TNRC6B: variants seen among roughly 807,000 people sequenced by gnomAD.
TNRC6B encodes trinucleotide repeat containing adaptor 6B.
TNRC6B carries 52 observed loss-of-function variants against 203.6 expected under a neutral mutation model. The observed-to-expected ratio is 0.26, with a 90% confidence interval of 0.20 to 0.32. The LOEUF is 0.32. Ranked by LOEUF, TNRC6B falls within the 10% of genes least tolerant of loss-of-function variation. TNRC6B has a pLI of 1.00. For synonymous variants in TNRC6B, 838 were observed against 845.7 expected, an observed-to-expected ratio of 0.99 and a Z score of 0.16; for missense variants, 1,923 against 2,286.2, an observed-to-expected ratio of 0.84 and a Z score of 3.24.
At chr22:40,077,312 G>A (rs2068025223) in intron 1 of TNRC6B, among the ~76,000 whole-genome samples, 1 of 152,164 alleles carries the variant, frequency 6.6e-6, no homozygotes, top group African/African-American at 2.4e-5. Flanking sequence ...CACCTCTTTG[G>A]TTCCTTTCTC....
chr22:40,276,909 G>T, intron 7 of TNRC6B, 168 bp from the exon 8 acceptor site: 1 of 445,870 alleles, frequency 2.2e-6, no homozygotes, highest in East Asian at 3.5e-5. Flanking sequence ...GATATAACTA[G>T]GGCTTATTAA....
Position 40,078,943 on chromosome 22 carries a change from G to A in TNRC6B, c.-121+33945G>A, listed in dbSNP as rs555611221. Among the ~76,000 whole-genome samples, 16 of 151,642 alleles carry A rather than the reference G, an allele frequency of 1.1e-4. No individual in the cohort carries two copies. In the South Asian group the frequency reaches 1.5e-3, roughly 14 times the overall value. On this transcript the variant is annotated intron_variant, in intron 1 of 23. Coordinates refer to the TNRC6B transcript ENST00000301923. ...ACAAAAATTAGCTGGGCGTGGTGGT[G>A]GGAGCCTATAATCTCAGCTACTTGG...
In TNRC6B at chr22:40,281,152, C is replaced by G; in HGVS notation, c.3445C>G (p.Leu1149Val). 1 of 1,550,988 alleles carries G rather than the reference C, an allele frequency of 6.4e-7. No individual in the cohort carries two copies. The highest frequency in any genetic ancestry group is 1.2e-5 in the South Asian group (1 of 83,934). ...TLPFSNQDGCLGDEAPCSPFS... is the reference protein window; with the variant it reads ...TLPFSNQDGCVGDEAPCSPFS... ...GCCTTTCTCCAATCAAGATGGGTGC[C>G]TTGGGGATGAGGCTCCCTGCTCTCC... The change falls in exon 11 of 23, where the codon CTT becomes GTT. Residue 1149 changes from leucine (L) to valine (V), a missense_variant. This residue lies in a region of TNRC6B where 599 missense variants were observed against 656.5 expected (regional missense o/e 0.91). Coordinates refer to ENST00000454349, the MANE Select transcript of TNRC6B (RefSeq NM_001162501.2).
intron 4 of TNRC6B, among the ~76,000 whole-genome samples, chr22:40,167,358 T>C (rs2068928768): frequency 6.6e-6 from 1 of 152,148 alleles, no homozygotes; most frequent in African/African-American, 2.4e-5. Context: ...TAATTCCATT[T>C]ATCCAAGGTA....
intron 1 of TNRC6B, among the ~76,000 whole-genome samples, chr22:40,218,806 C>A (rs2069670842): frequency 1.3e-5 from 2 of 152,220 alleles, no homozygotes; most frequent in Admixed American, 1.3e-4. Flanking sequence ...GAGTACAAGT[C>A]TCTTCAGGGA....
intron 18 of TNRC6B, 31 bp downstream of exon 18, chr22:40,312,682 A>T: frequency 6.3e-7 from 1 of 1,586,876 alleles, no homozygotes; most frequent in Non-Finnish European, 8.6e-7. Context: ...TTATATGTTC[A>T]ACACCCAGCA....
intron 15 of TNRC6B, among the ~76,000 whole-genome samples, chr22:40,304,057 T>G (rs2071059852): frequency 6.6e-6 from 1 of 152,180 alleles, no homozygotes; most frequent in South Asian, 2.1e-4. Flanking sequence ...ATTAAAAAAT[T>G]TTTTCTAATA....
At chr22:40,136,371 TTGTGTGTGTGTGTG>T (rs56246561) in intron 3 of TNRC6B, among the ~76,000 whole-genome samples, 4 of 141,116 alleles carry the variant, frequency 2.8e-5, no homozygotes, top group Non-Finnish European at 4.5e-5. Flanking sequence ...TATGTTTATC[TTGTGTGTGTGTGTG>T]TGTGTGTGTG....
intron 1 of TNRC6B, among the ~76,000 whole-genome samples, chr22:40,201,871 T>G (rs2069416762): frequency 6.6e-6 from 1 of 152,128 alleles, no homozygotes; most frequent in Non-Finnish European, 1.5e-5. Flanking sequence ...GATTTTCAGA[T>G]TCAGGATGCT....
chr22:40,282,392 C>G (rs573439101), intron 11 of TNRC6B, among the ~76,000 whole-genome samples: 3 of 152,132 alleles, frequency 2.0e-5, no homozygotes, highest in Non-Finnish European at 4.4e-5. Context: ...TTATTTTCTT[C>G]CTTTATATTT....
In TNRC6B at chr22:40,308,505, T is replaced by A. The variant is rs2071124899; in HGVS notation, c.4121-7T>A. The A allele has an allele frequency of 6.2e-7, 1 of 1,612,884 alleles. No homozygotes were observed. Among genetic ancestry groups the A allele is most frequent in the African/African-American group, 1.3e-5 (1 of 75,036 alleles). On this transcript the variant is annotated splice_region_variant and splice_polypyrimidine_tract_variant and intron_variant, in intron 15 of 22. Coordinates refer to ENST00000454349, the MANE Select transcript of TNRC6B (RefSeq NM_001162501.2). ...AGACTTATAAAATGTGGTCTTCTCC[T>A]TTTTAGGCTTCAGCTCTGGCGGCAT... is the stretch of plus-strand genomic sequence containing the variant.
At chr22:40,271,920 A>C (rs538382216) in intron 6 of TNRC6B, among the ~76,000 whole-genome samples, 2 of 152,168 alleles carry the variant, frequency 1.3e-5, no homozygotes, top group African/African-American at 4.8e-5. Flanking sequence ...ATTTGATGTT[A>C]TGAATCCTAT....
intron 3 of TNRC6B, among the ~76,000 whole-genome samples, chr22:40,136,066 G>A (rs1366481312): frequency 6.6e-6 from 1 of 152,164 alleles, no homozygotes; most frequent in Non-Finnish European, 1.5e-5. Flanking sequence ...AAATGAATTG[G>A]GAGGCGAGGA....
intron 1 of TNRC6B, among the ~76,000 whole-genome samples, chr22:40,071,613 C>T (rs2067948885): frequency 6.6e-6 from 1 of 152,184 alleles, no homozygotes; most frequent in Admixed American, 6.5e-5. Flanking sequence ...CCCTACTGCG[C>T]CCCTCACTCC....
chr22:40,189,087 C>G (rs528309977), intron 1 of TNRC6B, among the ~76,000 whole-genome samples: 2 of 152,164 alleles, frequency 1.3e-5, no homozygotes, highest in Non-Finnish European at 2.9e-5. Context: ...TTGTTAGTGA[C>G]TTTAAAAAAA....
At chr22:40,054,714 G>A (rs1361318618) in intron 1 of TNRC6B, among the ~76,000 whole-genome samples, 1 of 152,084 alleles carries the variant, frequency 6.6e-6, no homozygotes, top group Non-Finnish European at 1.5e-5. Context: ...ATGAAGTTAA[G>A]AAAGAGAATT....
At chr22:40,286,699 C>T (rs2146529448) in intron 12 of TNRC6B, among the ~76,000 whole-genome samples, 1 of 152,240 alleles carries the variant, frequency 6.6e-6, no homozygotes, top group Non-Finnish European at 1.5e-5. Flanking sequence ...ACCATGGGAA[C>T]CATTTAGGTC....
intron 16 of TNRC6B, 89 bp downstream of exon 16, chr22:40,308,738 G>A: frequency 2.8e-6 from 4 of 1,450,740 alleles, no homozygotes; most frequent in Admixed American, 2.4e-5. Flanking sequence ...ACAGAACTTG[G>A]TATTCATTTT....
chr22:40,107,813 A>G (rs2068299719), intron 1 of TNRC6B, among the ~76,000 whole-genome samples: 1 of 151,818 alleles, frequency 6.6e-6, no homozygotes, highest in Non-Finnish European at 1.5e-5. Flanking sequence ...TTTATCCATA[A>G]ATTTAAACCT....
Sources: gnomAD v4.1 joint callset for allele counts (sites outside exome capture counted in the v4.1 genomes callset) on GRCh38, gnomAD v4.1.1 for gene constraint, gnomAD v4.1.1 regional missense constraint, MANE v1.5 for transcripts, NCBI Gene and HGNC (gene_info 2026-07-23, HGNC 2026-07-21) for gene names.